XPNPEP3: variants seen among roughly 807,000 people sequenced by gnomAD.
XPNPEP3 encodes the protein X-prolyl aminopeptidase 3.
XPNPEP3 carries 41 observed loss-of-function variants against 60.0 expected under a neutral mutation model. The ratio of observed to expected loss-of-function variants is 0.68; its 90% confidence interval spans 0.53 to 0.89. The LOEUF (loss-of-function observed/expected upper bound fraction) is 0.89, where lower values mean the gene tolerates loss of function less well. XPNPEP3 is among the 40% of genes least tolerant of loss of function. XPNPEP3 has a pLI of 0.00. For missense variants in XPNPEP3, 598 were observed against 638.9 expected (o/e 0.94, Z 0.69); for synonymous variants, 212 against 223.2 (o/e 0.95, Z 0.45).
chr22:40,919,294 C>G (rs1006502483), intron 7 of XPNPEP3, among the ~76,000 whole-genome samples: 1 of 152,176 alleles, frequency 6.6e-6, no homozygotes, highest in African/African-American at 2.4e-5. Flanking sequence ...GTGGCTCACA[C>G]CTGTAATCCC....
At chr22:40,866,481 C>G (rs894083094) in intron 1 of XPNPEP3, among the ~76,000 whole-genome samples, 4 of 152,018 alleles carry the variant, frequency 2.6e-5, no homozygotes, top group Non-Finnish European at 4.4e-5. Flanking sequence ...GCAGTGTCCA[C>G]TTTAGACTAA....
intron 4 of XPNPEP3, among the ~76,000 whole-genome samples, chr22:40,892,875 C>T (rs1601505706): frequency 6.6e-6 from 1 of 152,086 alleles, no homozygotes; most frequent in South Asian, 2.1e-4. Flanking sequence ...CCAATTTTCT[C>T]TCCACCTCCT....
chr22:40,880,099 A>G (rs369345234), intron 2 of XPNPEP3, among the ~76,000 whole-genome samples: 3 of 152,046 alleles, frequency 2.0e-5, no homozygotes, highest in African/African-American at 7.2e-5. Context: ...AGGAAATTCA[A>G]AGATCTTTGA....
chr22:40,858,504 T>C (rs2057918758), intron 1 of XPNPEP3, among the ~76,000 whole-genome samples: 1 of 151,448 alleles, frequency 6.6e-6, no homozygotes, highest in Non-Finnish European at 1.5e-5. Flanking sequence ...TTGCAATCGT[T>C]TAGTATGGCT....
At chr22:40,892,004 A>G (rs1365887267) in intron 4 of XPNPEP3, among the ~76,000 whole-genome samples, 5 of 152,152 alleles carry the variant, frequency 3.3e-5, no homozygotes, top group Non-Finnish European at 5.9e-5. Flanking sequence ...AGCTTGTGTT[A>G]ACATGCAAGC....
chr22:40,886,381 C>A lies in XPNPEP3; in HGVS notation c.658C>A (p.Gln220Lys). 1 of 1,614,148 alleles carries A rather than the reference C, an allele frequency of 6.2e-7. No individual in the cohort carries two copies. The highest frequency in any genetic ancestry group is 8.5e-7 in the Non-Finnish European group (1 of 1,180,024). The change falls in exon 4 of 10, where the codon CAG becomes AAG. Residue 220 changes from glutamine to lysine, a missense_variant. By Grantham distance (53) the Gln-to-Lys change is moderately conservative (BLOSUM62 1). Coordinates refer to ENST00000357137, the MANE Select transcript of XPNPEP3 (RefSeq NM_022098.4). ...SHAQLHSDYM[Q>K]PLTEAKAKSK... is the part of the protein sequence containing the mutation. The stretch of plus-strand genomic sequence containing the variant: ...TGCACAGCTTCACTCTGACTATATG[C>A]AGCCCCTGACTGAGGCCAAAGCCAA...
At chr22:40,860,843 A>T in intron 1 of XPNPEP3, 2 of 642,780 alleles carry the variant, frequency 3.1e-6, no homozygotes, top group Admixed American at 3.3e-5. Flanking sequence ...TAGAGAAAAG[A>T]TCTCACTATA....
At chr22:40,861,515 C>G (rs1050947951) in intron 1 of XPNPEP3, 5 of 1,613,810 alleles carry the variant, frequency 3.1e-6, no homozygotes, top group Middle Eastern at 1.6e-4. Flanking sequence ...CCAATGAACC[C>G]TGTGATGTAT....
In XPNPEP3 at chr22:40,913,596, TA is replaced by T. The variant is rs997559035; in HGVS notation, c.970-634del. On this transcript the variant is annotated intron_variant, in intron 6 of 9. Transcript: ENST00000357137. ...CAAAGGCATATGGGTTTTTTTTTCTTAAAAAAAAATGATAATAGTGATATTT... is the reference window on the plus strand; with the variant it reads ...CAAAGGCATATGGGTTTTTTTTTCTTAAAAAAAATGATAATAGTGATATTT... Among the ~76,000 whole-genome samples, 74 of 151,004 alleles carry T rather than the reference TA, an allele frequency of 4.9e-4. 1 individual carries two copies. The highest frequency in any genetic ancestry group is 1.2e-3 in the Admixed American group (18 of 15,092).
At chr22:40,924,183 T>C (rs2058226441) in intron 8 of XPNPEP3, among the ~76,000 whole-genome samples, 179 bp from the exon 9 acceptor site, 1 of 152,180 alleles carries the variant, frequency 6.6e-6, no homozygotes, top group African/African-American at 2.4e-5. Context: ...ATTGGCAGAA[T>C]TGCATGTAAG....
chr22:40,913,726 G>C (rs1283835487), intron 6 of XPNPEP3, among the ~76,000 whole-genome samples: 1 of 152,108 alleles, frequency 6.6e-6, no homozygotes, highest in Non-Finnish European at 1.5e-5. Flanking sequence ...GTGGCAGGGT[G>C]AATTCATCTG....
At chr22:40,902,459 C>T (rs1011617973) in intron 4 of XPNPEP3, among the ~76,000 whole-genome samples, 8 of 151,962 alleles carry the variant, frequency 5.3e-5, no homozygotes, top group African/African-American at 1.9e-4. Context: ...ACCATGTTAG[C>T]CAGGATGGTC....
intron 4 of XPNPEP3, among the ~76,000 whole-genome samples, chr22:40,906,172 C>T (rs374755600): frequency 9.5e-4 from 144 of 152,216 alleles, no homozygotes; most frequent in African/African-American, 3.4e-3. Context: ...AGCTCCTGAG[C>T]TCAAGCGATC....
intron 4 of XPNPEP3, among the ~76,000 whole-genome samples, chr22:40,891,741 A>G (rs2058089367): frequency 6.6e-6 from 1 of 152,196 alleles, no homozygotes; most frequent in Non-Finnish European, 1.5e-5. Flanking sequence ...TACCACAGAA[A>G]ACACTAGTCC....
At chr22:40,873,191 G>A (rs1410906660) in intron 2 of XPNPEP3, among the ~76,000 whole-genome samples, 14 of 131,898 alleles carry the variant, frequency 1.1e-4, no homozygotes, top group South Asian at 1.1e-3. Flanking sequence ...TGCAACCTCC[G>A]CCTCCCAGAT....
intron 4 of XPNPEP3, among the ~76,000 whole-genome samples, chr22:40,891,946 G>A (rs1056823545): frequency 3.3e-5 from 5 of 152,200 alleles, no homozygotes; most frequent in African/African-American, 4.8e-5. Flanking sequence ...ACTGGCAGTC[G>A]TGCTTGGGAT....
chr22:40,916,934 C>G (rs2058198196), intron 7 of XPNPEP3, among the ~76,000 whole-genome samples: 1 of 151,812 alleles, frequency 6.6e-6, no homozygotes, highest in African/African-American at 2.4e-5. Flanking sequence ...AAAAATTAGC[C>G]AGGCGTGGTG....
At chr22:40,889,625 G>C (rs1009014170) in intron 4 of XPNPEP3, among the ~76,000 whole-genome samples, 2 of 152,174 alleles carry the variant, frequency 1.3e-5, no homozygotes, top group African/African-American at 2.4e-5. Context: ...CGAGGAGTTA[G>C]AGACCAGCCT....
At chr22:40,861,338 C>G in intron 1 of XPNPEP3, 2 of 1,614,120 alleles carry the variant, frequency 1.2e-6, no homozygotes, top group Non-Finnish European at 1.7e-6. Flanking sequence ...GAAAAAATGT[C>G]AACTCTCCAT....
Sources: allele counts gnomAD v4.1 joint callset (sites outside exome capture counted in the v4.1 genomes callset), GRCh38; gene constraint gnomAD v4.1.1; transcripts MANE v1.5; gene names NCBI Gene and HGNC (gene_info 2026-07-23, HGNC 2026-07-21).